Variants in QRICH2 observed in about 807,000 individuals in gnomAD.
The protein encoded by QRICH2 is glutamine rich 2.
QRICH2 carries 119 observed loss-of-function variants against 168.3 expected under a neutral mutation model. That is an observed-to-expected ratio of 0.71 (90% CI 0.61 to 0.82). The LOEUF is 0.82. Among genes scored for constraint, QRICH2 ranks in the 40% least tolerant of loss-of-function variants. QRICH2 has a pLI of 0.00. For synonymous variants in QRICH2, 894 were observed against 951.2 expected (o/e 0.94, Z 1.11); for missense variants, 2,241 against 2,491.6 (o/e 0.90, Z 2.14).
chr17:76,308,538 C>T (rs1480535432), upstream of QRICH2: 6 of 973,630 alleles, frequency 6.2e-6, no homozygotes, highest in Non-Finnish European at 7.3e-6. Flanking sequence ...TCATCAGCTG[C>T]GTCCATTCCA....
intron 17 of QRICH2, 46 bp from the exon 18 acceptor site, chr17:76,275,993 G>C (rs1287740142): frequency 6.3e-7 from 1 of 1,590,970 alleles, no homozygotes; most frequent in Non-Finnish European, 8.5e-7. Flanking sequence ...GCAGCGGTGA[G>C]AGCTCTGTGG....
At chr17:76,306,269 G>C (rs540219036) in intron 1 of QRICH2, among the ~76,000 whole-genome samples, 1 of 151,550 alleles carries the variant, frequency 6.6e-6, no homozygotes, top group Non-Finnish European at 1.5e-5. Context: ...GCTTCCCAGA[G>C]CAAAAGTGAG....
chr17:76,276,046 T>C (rs943310545), intron 17 of QRICH2, 99 bp from the exon 18 acceptor site: 32 of 1,443,892 alleles, frequency 2.2e-5, no homozygotes, highest in Non-Finnish European at 2.7e-5. Flanking sequence ...CTGCTGGTCA[T>C]GGCCGGCCTC....
rs1426212626 is a variant in QRICH2, at chr17:76,291,159, A to G, written c.3568T>C (p.Phe1190Leu). The change falls in exon 4 of 19, where the codon TTC becomes CTC. Residue 1190 changes from phenylalanine (F) to leucine (L), a missense_variant. Coordinates refer to ENST00000680821, the MANE Select transcript of QRICH2 (RefSeq NM_001388453.1). The stretch of plus-strand genomic sequence containing the variant: ...TGAAATGTCTCCACTGCCGTGGGGA[A>G]ACTAGAACTCATTCTACGCAGTGAA... Reference protein sequence around the residue: ...RNSLRRMSSSFPTAVETFHLM... With the variant: ...RNSLRRMSSSLPTAVETFHLM... The G allele has an allele frequency of 6.2e-7, 1 of 1,614,168 alleles. No homozygotes were observed. Among genetic ancestry groups the G allele is most frequent in the South Asian group, 1.1e-5 (1 of 91,078 alleles).
rs1350467457 is a variant in QRICH2, at chr17:76,307,117, A to G, written c.534+348T>C. Among the ~76,000 whole-genome samples the G allele has an allele frequency of 1.3e-5, 2 of 151,988 alleles. No individual in the cohort carries two copies. Among genetic ancestry groups the G allele is most frequent in the Non-Finnish European group, 1.5e-5 (1 of 67,994 alleles). On this transcript the variant is annotated intron_variant, in intron 1 of 18. Coordinates refer to ENST00000680821, the MANE Select transcript of QRICH2 (RefSeq NM_001388453.1). The surrounding 1 kb of genome is among the most constrained non-coding windows in gnomAD (Gnocchi z 5.3). ...CCAGCTCTGGGTCCTTGGATGTCTGATAAGTGGTGGGCGAACCTCTCCCGT... is the reference window on the plus strand; with the variant it reads ...CCAGCTCTGGGTCCTTGGATGTCTGGTAAGTGGTGGGCGAACCTCTCCCGT...
At position 76,286,316 on chromosome 17, in the gene QRICH2, T is replaced by C. The variant is rs117498491; in HGVS notation, c.4011+876A>G. Among the ~76,000 whole-genome samples the C allele has an allele frequency of 4.7e-3, 713 of 152,150 alleles. 3 individuals are homozygous for C. The highest frequency in any genetic ancestry group is 0.031 in the Middle Eastern group (9 of 294). ...CGCAGAATGGAATGCTATGAAGCCA[T>C]AAAAAAGAATGGAGTATTGACACAT... On this transcript the variant is annotated intron_variant, in intron 7 of 18. Coordinates refer to ENST00000680821, the MANE Select transcript of QRICH2 (RefSeq NM_001388453.1).
At position 76,278,111 on chromosome 17, in the gene QRICH2, G is replaced by A. The variant is rs2070722504; in HGVS notation, c.4995C>T (p.His1665=). The change falls in exon 15 of 19, where the codon CAC becomes CAT. Residue 1665 remains histidine, a synonymous_variant. Transcript: ENST00000680821. The part of the protein sequence containing the change: ...EQSVGRLRSM[H]SKMLMNIEKV... ...TCTCAATGTTCATCAGCATCTTGGA[G>A]TGCATGGAGCGCAGGCGCCCCACGC... The A allele has an allele frequency of 6.2e-7, 1 of 1,613,546 alleles. No homozygotes were observed. The highest frequency in any genetic ancestry group is 1.3e-5 in the African/African-American group (1 of 74,958).
In QRICH2 at chr17:76,281,715, T is replaced by C; in HGVS notation, c.4263+149A>G. 1.1e-6 allele frequency: 1 copy of C among 917,148 alleles called. No individual in the cohort carries two copies. The allele number at this position is 917,148 out of a possible 1,614,324, so 56.8% of individuals were successfully genotyped here. ...GTGGACCTGCAGAAAGACCAGGGAC[T>C]CTTGTGGGATCTGGCTAAAGGGCTC... On this transcript the variant is annotated intron_variant, in intron 8 of 18. Coordinates refer to ENST00000680821, the MANE Select transcript of QRICH2 (RefSeq NM_001388453.1). This position sits in a 1 kb window ranked among gnomAD's most constrained non-coding sequence, Gnocchi z 4.4.
chr17:76,287,107 T>G, intron 7 of QRICH2, 85 bp downstream of exon 7: 1 of 758,600 alleles, frequency 1.3e-6, no homozygotes, highest in South Asian at 1.4e-5. Flanking sequence ...GGGACCTAGT[T>G]TTTGATGAGA....
rs1276372417 is a variant in QRICH2 at position 76,282,070 on chromosome 17, A to G, written c.4057T>C (p.Ser1353Pro). The change falls in exon 8 of 19, where the codon TCC (serine) becomes CCC (proline). Residue 1353 changes from serine (S) to proline (P), a missense_variant. Transcript: ENST00000680821. ...MIIESMLTSS[S>P]TLLSMSMAPH... is the part of the protein sequence containing the mutation. ...GCCATGCTCATGGACAGGAGCGTGG[A>G]GGAGGAGGTCAGCATGCTCTCAATG... The G allele has an allele frequency of 6.2e-7, 1 of 1,611,672 alleles. No homozygotes were observed. Among genetic ancestry groups the G allele is most frequent in the Non-Finnish European group, 8.5e-7 (1 of 1,178,170 alleles).
In QRICH2 at chr17:76,304,446, G is replaced by T. The variant is rs764774950; in HGVS notation, c.674C>A (p.Ala225Glu). 4 of 1,613,440 alleles carry T rather than the reference G, an allele frequency of 2.5e-6. No individual in the cohort carries two copies. The highest frequency in any genetic ancestry group is 1.7e-5 in the Admixed American group (1 of 60,014). Residue 225 changes from alanine to glutamate, a missense_variant, in exon 3 of 19, where the codon GCG (alanine) becomes GAG (glutamate). Ala to Glu is a moderately radical substitution (Grantham distance 107). Transcript: ENST00000680821. The part of the protein sequence containing the change: ...TMVTWEELEQ[A>E]ITDGWRASQA... ...TGAGGCTCTCCAGCCGTCCGTAATC[G>T]CCTGCTCCAGCTCTTCCCAGGTGAC...
At chr17:76,301,401 C>A in intron 3 of QRICH2, 1 of 230,582 alleles carries the variant, frequency 4.3e-6, no homozygotes, top group South Asian at 3.7e-5. Flanking sequence ...CACCTTGTCT[C>A]TACTAAAAAT....
chr17:76,291,162 T>G lies in QRICH2; in HGVS notation c.3565A>C (p.Ser1189Arg), dbSNP rs754383300. 2 of 1,614,188 alleles carry G rather than the reference T, an allele frequency of 1.2e-6. No individual in the cohort carries two copies. Among genetic ancestry groups the G allele is most frequent in the Non-Finnish European group, 1.7e-6 (2 of 1,180,038 alleles). ...RRNSLRRMSSSFPTAVETFHL... is the reference protein window; with the variant it reads ...RRNSLRRMSSRFPTAVETFHL... ...AATGTCTCCACTGCCGTGGGGAAAC[T>G]AGAACTCATTCTACGCAGTGAATTG... The change falls in exon 4 of 19, where the codon AGT (serine) becomes CGT (arginine). Residue 1189 changes from serine to arginine, a missense_variant. By Grantham distance (110) the Ser-to-Arg change is moderately radical. This residue lies in a region of QRICH2 where 2,047 missense variants were observed against 2,303.8 expected (regional missense o/e 0.89). Transcript: ENST00000680821.
Position 76,307,828 on chromosome 17 carries a change from G to A in QRICH2, c.171C>T (p.Pro57=), listed in dbSNP as rs927597658. The change falls in exon 1 of 19, where the codon CCC becomes CCT. Residue 57 remains proline (P), a synonymous_variant. Transcript: ENST00000680821. The surrounding 1 kb of genome is among the most constrained non-coding windows in gnomAD (Gnocchi z 5.3). ...TCCGGACGGACTGCAGCGAGCGGCTGGGCTCGGGCGACGAGGGCTGGAAGT... is the reference window on the plus strand; with the variant it reads ...TCCGGACGGACTGCAGCGAGCGGCTAGGCTCGGGCGACGAGGGCTGGAAGT... The part of the protein sequence containing the change: ...RIDFQPSSPE[P]SRSLQSVRSS... 5.4e-6 allele frequency: 7 copies of A among 1,290,362 alleles called. No individual in the cohort carries two copies. Among genetic ancestry groups the A allele is most frequent in the Non-Finnish European group, 6.9e-6 (7 of 1,021,272 alleles). The allele number at this position is 1,290,362 out of a possible 1,614,324, so 79.9% of individuals were successfully genotyped here.
Position 76,291,259 on chromosome 17 carries a change from C to T in QRICH2, c.3468G>A (p.Arg1156=). 1.2e-6 allele frequency: 2 copies of T among 1,614,186 alleles called. No individual in the cohort carries two copies. Among genetic ancestry groups the T allele is most frequent in the Non-Finnish European group, 1.7e-6 (2 of 1,180,030 alleles). The change falls in exon 4 of 19, where the codon AGG becomes AGA. Residue 1156 remains arginine (R), a synonymous_variant. Coordinates refer to ENST00000680821, the MANE Select transcript of QRICH2 (RefSeq NM_001388453.1). ...KAPGQDVTLF[R]SPDSVDRVLS... is the part of the protein sequence containing the mutation. ...AGACTCGGTCGACGGAGTCTGGACT[C>T]CTGAAAAGAGTGACATCTTGGCCTG... is the stretch of plus-strand genomic sequence containing the variant.
chr17:76,296,415 G>GA (rs1375492542), intron 3 of QRICH2, among the ~76,000 whole-genome samples: 1 of 152,184 alleles, frequency 6.6e-6, no homozygotes, highest in African/African-American at 2.4e-5. Flanking sequence ...GAGTCTGGCA[G>GA]ACTCTCTGAG....
intron 1 of QRICH2, among the ~76,000 whole-genome samples, chr17:76,306,658 G>A (rs1302756456): frequency 6.6e-6 from 1 of 152,092 alleles, no homozygotes; most frequent in African/African-American, 2.4e-5. Flanking sequence ...AGGCCGAGGC[G>A]GGCAGATCAC....
intron 1 of QRICH2, among the ~76,000 whole-genome samples, chr17:76,306,188 AAAAAAC>A (rs1458515426): frequency 1.4e-5 from 2 of 146,374 alleles, no homozygotes; most frequent in African/African-American, 5.3e-5. Context: ...AAAAAAAAAA[AAAAAAC>A]CCAAAAAAAT....
At chr17:76,284,509 T>C (rs906292806) in intron 7 of QRICH2, among the ~76,000 whole-genome samples, 4 of 132,602 alleles carry the variant, frequency 3.0e-5, no homozygotes, top group African/African-American at 7.9e-5. Flanking sequence ...TTTGGATATG[T>C]ATATTTTATC....
Sources: gnomAD v4.1 joint callset for allele counts (sites outside exome capture counted in the v4.1 genomes callset) on GRCh38, gnomAD v4.1.1 for gene constraint, gnomAD v4.1.1 regional missense constraint, Gnocchi (gnomAD v3.1) non-coding constraint, MANE v1.5 for transcripts, NCBI Gene and HGNC (gene_info 2026-07-23, HGNC 2026-07-21) for gene names.